Variants in KCNK17 observed in about 807,000 individuals in gnomAD.
KCNK17 encodes the protein potassium two pore domain channel subfamily K member 17.
In KCNK17, 27 loss-of-function variants were observed where a neutral mutation model predicts 24.6. The ratio of observed to expected loss-of-function variants is 1.10; its 90% CI spans 0.81 to 1.51. The LOEUF is 1.51. Ranked by LOEUF, KCNK17 falls within the 40% of genes most tolerant of loss-of-function variation. KCNK17 has a pLI of 0.00. For synonymous variants in KCNK17, 181 were observed against 189.8 expected, an observed-to-expected ratio of 0.95 and a Z score of 0.38; for missense variants, 450 against 436.6, an observed-to-expected ratio of 1.03 and a Z score of -0.27.
At chr6:39,311,928 G>A (rs920333784) in intron 1 of KCNK17, among the ~76,000 whole-genome samples, 5 of 152,072 alleles carry the variant, frequency 3.3e-5, no homozygotes, top group East Asian at 1.9e-4. Flanking sequence ...GGATGAAGTC[G>A]CAGGTATCAG....
At chr6:39,311,292 T>C (rs1490221680) in intron 1 of KCNK17, among the ~76,000 whole-genome samples, 1 of 152,116 alleles carries the variant, frequency 6.6e-6, no homozygotes, top group Admixed American at 6.5e-5. Flanking sequence ...GGAGTCCTAG[T>C]AAACCAGCGA....
intron 2 of KCNK17, among the ~76,000 whole-genome samples, chr6:39,307,286 T>C (rs1008191684): frequency 6.6e-6 from 1 of 152,196 alleles, no homozygotes; most frequent in Admixed American, 6.5e-5. Flanking sequence ...AAATGAATGA[T>C]AGAACTCCAG....
chr6:39,303,863 G>A (rs913670051), intron 4 of KCNK17, 94 bp downstream of exon 4: 17 of 1,392,614 alleles, frequency 1.2e-5, no homozygotes, highest in South Asian at 3.8e-5. Context: ...CCCACATGGC[G>A]TGCACACAGC....
At chr6:39,300,408 G>T in intron 4 of KCNK17, 1 of 1,346,124 alleles carries the variant, frequency 7.4e-7, no homozygotes, top group Non-Finnish European at 1.0e-6. Context: ...ACAGGTGTGA[G>T]CCACCGTGCC....
intron 3 of KCNK17, 56 bp from the exon 4 acceptor site, chr6:39,304,187 G>A (rs1164030037): frequency 7.1e-6 from 11 of 1,540,176 alleles, no homozygotes; most frequent in African/African-American, 2.7e-5. Flanking sequence ...ATGCGTGGGA[G>A]CCGAGGGAGC....
intron 4 of KCNK17, among the ~76,000 whole-genome samples, chr6:39,303,742 G>A (rs562226415): frequency 2.6e-5 from 4 of 152,294 alleles, no homozygotes; most frequent in East Asian, 3.9e-4. Flanking sequence ...AGGTGGGCCC[G>A]CGGACGTGTT....
At chr6:39,306,421 T>C (rs1762038171) in intron 2 of KCNK17, among the ~76,000 whole-genome samples, 1 of 152,232 alleles carries the variant, frequency 6.6e-6, no homozygotes, top group Non-Finnish European at 1.5e-5. Context: ...TCACTACATA[T>C]GTGTTGAATG....
At chr6:39,313,292 C>T (rs1762184736) in intron 1 of KCNK17, among the ~76,000 whole-genome samples, 1 of 152,248 alleles carries the variant, frequency 6.6e-6, no homozygotes, top group African/African-American at 2.4e-5. Context: ...CCTCTGAGTC[C>T]TCCCCTGAAC....
chr6:39,313,684 C>T (rs914418624), intron 1 of KCNK17, among the ~76,000 whole-genome samples: 1 of 152,190 alleles, frequency 6.6e-6, no homozygotes, highest in East Asian at 1.9e-4. Context: ...CGACCAACCC[C>T]CAAGCAGGCT....
At chr6:39,303,741 C>G (rs995382603) in intron 4 of KCNK17, among the ~76,000 whole-genome samples, 1 of 152,156 alleles carries the variant, frequency 6.6e-6, no homozygotes, top group Admixed American at 6.5e-5. Context: ...TAGGTGGGCC[C>G]GCGGACGTGT....
chr6:39,300,445 C>A, intron 4 of KCNK17: 5 of 1,527,190 alleles, frequency 3.3e-6, no homozygotes, highest in Non-Finnish European at 4.4e-6. Flanking sequence ...TTTTAACAAG[C>A]CCCCAGAGGA....
chr6:39,312,710 A>G (rs1379660709), intron 1 of KCNK17, among the ~76,000 whole-genome samples: 1 of 152,242 alleles, frequency 6.6e-6, no homozygotes, highest in Non-Finnish European at 1.5e-5. Flanking sequence ...AGAGGCATTT[A>G]CTGTTATTAT....
intron 1 of KCNK17, among the ~76,000 whole-genome samples, chr6:39,312,088 G>C (rs1213419925): frequency 6.6e-6 from 1 of 152,212 alleles, no homozygotes; most frequent in Non-Finnish European, 1.5e-5. Flanking sequence ...GGTGGTCCAG[G>C]AGGAACAGAG....
At chr6:39,305,807 C>T (rs1386303376) in intron 2 of KCNK17, among the ~76,000 whole-genome samples, 1 of 152,160 alleles carries the variant, frequency 6.6e-6, no homozygotes, top group African/African-American at 2.4e-5. Flanking sequence ...CTCTCCAGGT[C>T]CACTCGTGCC....
rs968701926 is a variant in KCNK17, at chr6:39,314,254, C to T, written c.67G>A (p.Val23Met). Residue 23 changes from valine to methionine, a missense_variant, in exon 1 of 5, where the codon GTG becomes ATG. Transcript: ENST00000373231. Reference sequence around the variant, plus strand: ...GCCAGGTAGGCGAGCAGCAGGAGCACGGTGCTGGGCACCGCGCAGCCCCGG... The same window carrying T: ...GCCAGGTAGGCGAGCAGCAGGAGCATGGTGCTGGGCACCGCGCAGCCCCGG... ...RVRGCAVPST[V>M]LLLLAYLAYL... is the part of the protein sequence containing the mutation. 6.5e-7 allele frequency: 1 copy of T among 1,532,586 alleles called. No individual in the cohort carries two copies. Among genetic ancestry groups the T allele is most frequent in the Non-Finnish European group, 8.7e-7 (1 of 1,144,040 alleles). 94.9% of individuals were successfully genotyped at this position (1,532,586 alleles called of 1,614,324 possible).
Position 39,299,734 on chromosome 6 carries a change from ATTCC to A in KCNK17, c.689-1_691del. On this transcript the variant is annotated splice_acceptor_variant and coding_sequence_variant, in exon 5 of 5. Transcript: ENST00000373231. LOFTEE classifies it high-confidence loss of function. ...CAGTGGGTACCTCTGGGAGGGGTTC[ATTCC>A]TGGGGAAGAGGCAAGGTCAGACGAT... 6.2e-7 allele frequency: 1 copy of A among 1,612,238 alleles called. No homozygotes were observed.
chr6:39,314,324 G>T lies in KCNK17; in HGVS notation c.-4C>A, dbSNP rs1390065052. ...CCCGGGCTCGCGGTCGGTACATAGC[G>T]GGAGAGGCGGGGAGCCGGCGCCGGG... is the stretch of plus-strand genomic sequence containing the variant. On this transcript the variant is annotated 5_prime_UTR_variant, in exon 1 of 5. Coordinates refer to ENST00000373231, the MANE Select transcript of KCNK17 (RefSeq NM_031460.4). The T allele has an allele frequency of 7.1e-7, 1 of 1,403,512 alleles. No homozygotes were observed. The highest frequency in any genetic ancestry group is 2.9e-5 in the East Asian group (1 of 34,908). 86.9% of individuals were successfully genotyped at this position (1,403,512 alleles called of 1,614,324 possible).
At chr6:39,312,596 G>A (rs1302681257) in intron 1 of KCNK17, among the ~76,000 whole-genome samples, 1 of 152,178 alleles carries the variant, frequency 6.6e-6, no homozygotes, top group Non-Finnish European at 1.5e-5. Context: ...ACCTGTGAGG[G>A]TGAAACAGGA....
At chr6:39,311,316 CT>C (rs1762136051) in intron 1 of KCNK17, among the ~76,000 whole-genome samples, 1 of 152,142 alleles carries the variant, frequency 6.6e-6, no homozygotes, top group African/African-American at 2.4e-5. Context: ...ATTTTCTCCC[CT>C]GCTCACTCCC....
Sources: gnomAD v4.1 joint callset for allele counts (sites outside exome capture counted in the v4.1 genomes callset) on GRCh38, gnomAD v4.1.1 for gene constraint, MANE v1.5 for transcripts, NCBI Gene and HGNC (gene_info 2026-07-23, HGNC 2026-07-21) for gene names.